Variants in AKAP8 observed in about 807,000 individuals in gnomAD.
AKAP8 encodes A-kinase anchoring protein 8, also known as A-kinase anchor protein 8.
In AKAP8, 24 loss-of-function variants were observed where a neutral mutation model predicts 67.5. The ratio of observed to expected loss-of-function variants is 0.36; its 90% CI spans 0.26 to 0.50. The LOEUF (loss-of-function observed/expected upper bound fraction) is 0.50, where lower values mean the gene tolerates loss of function less well. Among genes scored for constraint, AKAP8 ranks in the 20% least tolerant of loss-of-function variants. The pLI is 0.97. For synonymous variants in AKAP8, 400 were observed against 371.1 expected, an observed-to-expected ratio of 1.08 and a Z score of -0.90; for missense variants, 971 against 955.9, an observed-to-expected ratio of 1.02 and a Z score of -0.21.
rs1967099151 is a variant in AKAP8 at position 15,368,216 on chromosome 19, T to C, written c.1160+19A>G. On this transcript the variant is annotated intron_variant, in intron 9 of 13. Transcript: ENST00000269701. ...CACGAGTCCACCTCCTCCTGTGGGGTCGTGTGCCCGCGCCTCACCTGTCGG... is the reference window on the plus strand; with the variant it reads ...CACGAGTCCACCTCCTCCTGTGGGGCCGTGTGCCCGCGCCTCACCTGTCGG... 6.2e-7 allele frequency: 1 copy of C among 1,609,340 alleles called. No homozygotes were observed. Among genetic ancestry groups the C allele is most frequent in the East Asian group, 2.2e-5 (1 of 44,856 alleles).
chr19:15,361,349 CTT>C (rs34004834), intron 11 of AKAP8: 1,891 of 118,656 alleles, frequency 0.016, no homozygotes, highest in South Asian at 0.042. Flanking sequence ...CTTCATGCCA[CTT>C]TTTTTTTTTT....
At chr19:15,377,244 G>C (rs940232224) in intron 1 of AKAP8, among the ~76,000 whole-genome samples, 17 of 152,248 alleles carry the variant, frequency 1.1e-4, no homozygotes, top group African/African-American at 4.1e-4. Flanking sequence ...GGGCTTGGAA[G>C]TCAGCTCCGC....
At chr19:15,365,702 G>A (rs1001048793) in intron 9 of AKAP8, among the ~76,000 whole-genome samples, 92 of 152,254 alleles carry the variant, frequency 6.0e-4, no homozygotes, top group African/African-American at 2.0e-3. Flanking sequence ...CTGCCTCCCC[G>A]TGAGAATTCC....
At chr19:15,374,735 G>T in intron 2 of AKAP8, 100 bp from the exon 3 acceptor site, 1 of 1,421,520 alleles carries the variant, frequency 7.0e-7, no homozygotes, top group Non-Finnish European at 9.8e-7. Context: ...CCAGGGCCAG[G>T]GCTTCCCTCC....
At chr19:15,378,156 G>A (rs555144549) in intron 1 of AKAP8, among the ~76,000 whole-genome samples, 58 of 152,328 alleles carry the variant, frequency 3.8e-4, no homozygotes, top group African/African-American at 1.3e-3. Flanking sequence ...AGGCTCATGG[G>A]TTACGAGACT....
chr19:15,362,061 C>A (rs766813497), intron 10 of AKAP8, 49 bp downstream of exon 10: 1 of 1,605,510 alleles, frequency 6.2e-7, no homozygotes, highest in South Asian at 1.1e-5. Flanking sequence ...GGATCCGGCA[C>A]CTGCGGGATG....
At position 15,374,639 on chromosome 19, in the gene AKAP8, A is replaced by G. The variant is rs1357475009; in HGVS notation, c.59-4T>C. 6.2e-7 allele frequency: 1 copy of G among 1,612,206 alleles called. No homozygotes were observed. Among genetic ancestry groups the G allele is most frequent in the South Asian group, 1.1e-5 (1 of 90,996 alleles). ...GCCACACCAGTTCCATATGCACCTT[A>G]GGGGAAACAGAAACACACAAGAGCC... On this transcript the variant is annotated splice_region_variant and splice_polypyrimidine_tract_variant and intron_variant, in intron 2 of 13. Coordinates refer to ENST00000269701, the MANE Select transcript of AKAP8 (RefSeq NM_005858.4).
chr19:15,374,468 C>G (rs986651177), intron 3 of AKAP8, 135 bp downstream of exon 3: 10 of 1,080,238 alleles, frequency 9.3e-6, no homozygotes, highest in Non-Finnish European at 1.3e-5. Flanking sequence ...TACACAACAG[C>G]AGCCGTGGCT....
At chr19:15,370,216 G>T (rs1568427447) in intron 7 of AKAP8, 37 bp from the exon 8 acceptor site, 1 of 1,613,146 alleles carries the variant, frequency 6.2e-7, no homozygotes, top group Non-Finnish European at 8.5e-7. Flanking sequence ...GCAGTGAGCT[G>T]GTGTGTCCAG....
chr19:15,373,439 A>T (rs1967197643), intron 4 of AKAP8, 99 bp from the exon 5 acceptor site: 1 of 1,451,854 alleles, frequency 6.9e-7, no homozygotes, highest in Non-Finnish European at 9.1e-7. Flanking sequence ...AAAACAGCAA[A>T]CCAAACCACC....
At chr19:15,379,335 T>C in intron 1 of AKAP8, 2 of 244,820 alleles carry the variant, frequency 8.2e-6, no homozygotes, top group Non-Finnish European at 1.6e-5. Flanking sequence ...GCCGCCATTT[T>C]GTGGCGTCTT....
chr19:15,375,068 T>A (rs980974728), intron 2 of AKAP8, among the ~76,000 whole-genome samples: 3 of 152,350 alleles, frequency 2.0e-5, no homozygotes, highest in African/African-American at 7.2e-5. Context: ...GAGGACGTTA[T>A]GTGCCACGAG....
intron 9 of AKAP8, among the ~76,000 whole-genome samples, chr19:15,362,937 A>C (rs1966997105): frequency 7.0e-6 from 1 of 142,818 alleles, no homozygotes; most frequent in Non-Finnish European, 1.5e-5. Context: ...GGCCGCCATC[A>C]CATCTGGGAA....
chr19:15,361,271 T>TCTTC (rs74538417), intron 11 of AKAP8, among the ~76,000 whole-genome samples: 1 of 151,378 alleles, frequency 6.6e-6, no homozygotes, highest in Non-Finnish European at 1.5e-5. Flanking sequence ...TCCGAAGGTT[T>TCTTC]CTTTCCATTG....
chr19:15,363,357 G>GA (rs1967009459), intron 9 of AKAP8, among the ~76,000 whole-genome samples: 1 of 145,114 alleles, frequency 6.9e-6, no homozygotes, highest in African/African-American at 2.5e-5. Context: ...GGGAGGTGGG[G>GA]GGGGGTCAGC....
chr19:15,377,133 T>C, intron 1 of AKAP8, 119 bp from the exon 2 acceptor site: 2 of 1,124,220 alleles, frequency 1.8e-6, no homozygotes, highest in Admixed American at 2.5e-5. Context: ...GAAGGAAGAC[T>C]CCCCCCCACC....
In AKAP8 at chr19:15,372,431, C is replaced by T. The variant is rs1967175079; in HGVS notation, c.862-84G>A. The T allele has an allele frequency of 1.9e-6, 3 of 1,543,784 alleles. No homozygotes were observed. In the South Asian group the frequency reaches 3.4e-5, roughly 18 times the overall value. ...GAAAAGAACAAGGAGGTTGTAGGAT[C>T]AGACAACACAGGCACAAAAGGTCTT... On this transcript the variant is annotated intron_variant, in intron 5 of 13. Transcript: ENST00000269701.
At chr19:15,364,127 A>C (rs1967030019) in intron 9 of AKAP8, among the ~76,000 whole-genome samples, 1 of 143,958 alleles carries the variant, frequency 6.9e-6, no homozygotes, top group Non-Finnish European at 1.5e-5. Flanking sequence ...AAAAAAAAAG[A>C]AACAGGATTT....
intron 3 of AKAP8, 46 bp from the exon 4 acceptor site, chr19:15,374,111 C>A: frequency 6.6e-7 from 1 of 1,522,422 alleles, no homozygotes; most frequent in Non-Finnish European, 8.8e-7. Context: ...AGCCACGAGG[C>A]CTGTCCATGG....
Sources: allele counts gnomAD v4.1 joint callset (sites outside exome capture counted in the v4.1 genomes callset), GRCh38; gene constraint gnomAD v4.1.1; transcripts MANE v1.5; gene names NCBI Gene and HGNC (gene_info 2026-07-23, HGNC 2026-07-21).